The following NRG3 variants were observed in gnomAD, a reference collection of about 807,000 sequenced individuals.
NRG3 encodes the protein pro-neuregulin-3, membrane-bound isoform.
NRG3 carries 31 observed loss-of-function variants against 66.9 expected under a neutral mutation model. The ratio of observed to expected loss-of-function variants is 0.46; its 90% CI spans 0.35 to 0.63. The LOEUF is 0.63. NRG3 is among the 20% of genes least tolerant of loss of function. The probability of loss-of-function intolerance (pLI) is 0.00; values close to 1 mark genes in which losing one functional copy is unlikely to be tolerated. For synonymous variants in NRG3, 393 were observed against 359.4 expected (o/e 1.09, Z -1.06); for missense variants, 910 against 878.9 (o/e 1.04, Z -0.45).
chr10:82,036,729 C>A (rs143667840), intron 1 of NRG3, among the ~76,000 whole-genome samples: 344 of 152,214 alleles, frequency 2.3e-3, no homozygotes, highest in Non-Finnish European at 4.1e-3. Context: ...GACTGAAACT[C>A]TATACCCATT....
At chr10:82,090,204 C>T (rs1213095023) in intron 1 of NRG3, among the ~76,000 whole-genome samples, 4 of 152,112 alleles carry the variant, frequency 2.6e-5, no homozygotes, top group Admixed American at 1.3e-4. Flanking sequence ...TCCAAGACTA[C>T]TATATTTTTT....
At chr10:82,243,652 C>G (rs1016066161) in intron 1 of NRG3, among the ~76,000 whole-genome samples, 1 of 152,106 alleles carries the variant, frequency 6.6e-6, no homozygotes, top group African/African-American at 2.4e-5. Flanking sequence ...ATCTTTCGGT[C>G]TGAATTGTCA....
At chr10:81,969,043 G>A (rs537751151) in intron 1 of NRG3, among the ~76,000 whole-genome samples, 2 of 152,268 alleles carry the variant, frequency 1.3e-5, no homozygotes, top group East Asian at 3.9e-4. Context: ...GTCATGTAAG[G>A]TATCTGACTG....
Position 82,965,895 on chromosome 10 carries a change from T to C in NRG3, c.1284+6820T>C, listed in dbSNP as rs149235652. 4.3e-3 allele frequency among the ~76,000 whole-genome samples: 652 copies of C among 152,278 alleles called. 17 individuals are homozygous for C. Among genetic ancestry groups the C allele is most frequent in the Admixed American group, 0.038 (578 of 15,294 alleles). ...GCCTACACCTGAGCTACTCAAGCAATTAAGGGAAGACTGAATTCTGCCTTT... is the reference window on the plus strand; with the variant it reads ...GCCTACACCTGAGCTACTCAAGCAACTAAGGGAAGACTGAATTCTGCCTTT... On this transcript the variant is annotated intron_variant, in intron 6 of 8. Coordinates refer to ENST00000372141, the MANE Select transcript of NRG3 (RefSeq NM_001010848.4).
At chr10:82,454,991 T>C (rs1221074578) in intron 2 of NRG3, among the ~76,000 whole-genome samples, 1 of 152,168 alleles carries the variant, frequency 6.6e-6, no homozygotes, top group East Asian at 1.9e-4. Flanking sequence ...ACAGACACTT[T>C]AAGTAATTTA....
At chr10:82,978,512 T>C (rs935040690) in intron 7 of NRG3, among the ~76,000 whole-genome samples, 2 of 152,222 alleles carry the variant, frequency 1.3e-5, no homozygotes, top group Non-Finnish European at 2.9e-5. Flanking sequence ...GTGAATTTTT[T>C]CCCCATATCC....
chr10:82,010,781 G>A (rs1431993980), intron 1 of NRG3, among the ~76,000 whole-genome samples: 1 of 152,170 alleles, frequency 6.6e-6, no homozygotes, highest in African/African-American at 2.4e-5. Flanking sequence ...CTAAGCACAG[G>A]ACTCAGGAAG....
intron 1 of NRG3, among the ~76,000 whole-genome samples, chr10:82,077,636 G>C (rs915821371): frequency 6.6e-6 from 1 of 152,170 alleles, no homozygotes; most frequent in Non-Finnish European, 1.5e-5. Context: ...AGAAGGATTT[G>C]ACCAATTCCT....
At chr10:82,965,240 A>G (rs17688475) in intron 6 of NRG3, among the ~76,000 whole-genome samples, 16,601 of 152,258 alleles carry the variant, frequency 0.11, 1,236 homozygotes, top group Non-Finnish European at 0.17. Flanking sequence ...TGCACACAAT[A>G]AAGTCAGGAT....
At chr10:82,601,780 C>T (rs567638514) in intron 2 of NRG3, among the ~76,000 whole-genome samples, 7 of 147,874 alleles carry the variant, frequency 4.7e-5, no homozygotes, top group Admixed American at 2.0e-4. Context: ...GAGGTCGAGG[C>T]GGAAGGATCA....
In NRG3 at chr10:82,035,659, A is replaced by G. The variant is rs550153425; in HGVS notation, c.823+159496A>G. Among the ~76,000 whole-genome samples the G allele has an allele frequency of 5.1e-4, 78 of 152,250 alleles. No individual in the cohort carries two copies. The East Asian group carries it at 6.0e-3, about 12-fold the overall frequency. On this transcript the variant is annotated intron_variant, in intron 1 of 8. Coordinates refer to ENST00000372141, the MANE Select transcript of NRG3 (RefSeq NM_001010848.4). Reference sequence around the variant, plus strand: ...GATATTTCTCATCTATTTAAGGGATATATAAAAAATAGCCTCATAGGGGTT... The same window carrying G: ...GATATTTCTCATCTATTTAAGGGATGTATAAAAAATAGCCTCATAGGGGTT...
chr10:82,891,956 A>G (rs763233647), intron 4 of NRG3, among the ~76,000 whole-genome samples: 6 of 152,052 alleles, frequency 3.9e-5, no homozygotes, highest in Non-Finnish European at 8.8e-5. Context: ...ATTTCTAGTT[A>G]TCAAAAAAAT....
At chr10:82,033,767 T>C (rs2062674398) in intron 1 of NRG3, among the ~76,000 whole-genome samples, 1 of 152,132 alleles carries the variant, frequency 6.6e-6, no homozygotes. Context: ...ATTGCACAGC[T>C]CATATCATTA....
intron 1 of NRG3, among the ~76,000 whole-genome samples, chr10:81,876,646 T>G (rs775684846): frequency 4.6e-5 from 7 of 152,136 alleles, no homozygotes; most frequent in Non-Finnish European, 1.0e-4. Flanking sequence ...AGTTATGTCC[T>G]TGTGTGGGGT....
chr10:82,651,299 A>G (rs1187546726), intron 2 of NRG3, among the ~76,000 whole-genome samples: 2 of 152,222 alleles, frequency 1.3e-5, no homozygotes, highest in Non-Finnish European at 2.9e-5. Flanking sequence ...AAAGAACTTT[A>G]GAGATCTCCA....
intron 4 of NRG3, among the ~76,000 whole-genome samples, chr10:82,906,672 G>A (rs1050104216): frequency 6.6e-6 from 1 of 152,122 alleles, no homozygotes; most frequent in African/African-American, 2.4e-5. Context: ...TAGGTAACAT[G>A]ACTAACATCC....
chr10:81,971,940 G>A (rs1440317896), intron 1 of NRG3, among the ~76,000 whole-genome samples: 1 of 152,312 alleles, frequency 6.6e-6, no homozygotes, highest in East Asian at 1.9e-4. Context: ...CACAGCACAT[G>A]CAGGTGAGGA....
chr10:82,263,666 C>T (rs879602791), intron 1 of NRG3, among the ~76,000 whole-genome samples: 6 of 152,046 alleles, frequency 3.9e-5, no homozygotes, highest in African/African-American at 9.7e-5. Flanking sequence ...CCAGGATTTA[C>T]GTCTTTACCT....
At chr10:82,969,827 T>C (rs2132547137) in intron 6 of NRG3, among the ~76,000 whole-genome samples, 1 of 152,304 alleles carries the variant, frequency 6.6e-6, no homozygotes, top group East Asian at 1.9e-4. Flanking sequence ...AACACACACA[T>C]GCAAATGCAC....
Sources: gnomAD v4.1 joint callset for allele counts (sites outside exome capture counted in the v4.1 genomes callset) on GRCh38, gnomAD v4.1.1 for gene constraint, MANE v1.5 for transcripts, NCBI Gene and HGNC (gene_info 2026-07-23, HGNC 2026-07-21) for gene names.